EGFLAM: variants seen among roughly 807,000 people sequenced by gnomAD.
The protein encoded by EGFLAM is EGF like, fibronectin type III and laminin G domains.
A neutral mutation model predicts 113.1 loss-of-function variants in EGFLAM; 79 were observed. The observed-to-expected ratio is 0.70, with a 90% CI of 0.58 to 0.84. The LOEUF (loss-of-function observed/expected upper bound fraction) is 0.84. EGFLAM is among the 40% of genes least tolerant of loss of function. The pLI, the probability that EGFLAM is intolerant of heterozygous loss-of-function variation, is 0.00. For missense variants in EGFLAM, 1,265 were observed against 1,291.6 expected (o/e 0.98, Z 0.32); for synonymous variants, 504 against 487.6 (o/e 1.03, Z -0.44).
At chr5:38,371,744 C>T (rs1461664399) in intron 6 of EGFLAM, among the ~76,000 whole-genome samples, 1 of 152,160 alleles carries the variant, frequency 6.6e-6, no homozygotes, top group African/African-American at 2.4e-5. Context: ...TTAAACTTCC[C>T]AGACACATTC....
chr5:38,449,674 ATGTG>A (rs141510682), intron 18 of EGFLAM, among the ~76,000 whole-genome samples: 7 of 149,986 alleles, frequency 4.7e-5, no homozygotes, highest in Non-Finnish European at 7.4e-5. Flanking sequence ...GTGCGCATGC[ATGTG>A]TGTGTGTGTG....
chr5:38,270,804 A>C (rs1757746306), intron 1 of EGFLAM, among the ~76,000 whole-genome samples: 1 of 152,212 alleles, frequency 6.6e-6, no homozygotes, highest in Admixed American at 6.5e-5. Flanking sequence ...GTACCTAAAC[A>C]TTTGGTACAT....
chr5:38,291,046 A>G (rs2111792597), intron 1 of EGFLAM: 1 of 152,394 alleles, frequency 6.6e-6, no homozygotes, highest in East Asian at 1.9e-4. Flanking sequence ...AGATAGCGCC[A>G]CTGCACTTCA....
At chr5:38,316,616 C>T (rs192715826) in intron 1 of EGFLAM, among the ~76,000 whole-genome samples, 1 of 152,212 alleles carries the variant, frequency 6.6e-6, no homozygotes, top group Non-Finnish European at 1.5e-5. Context: ...GTGATTTTGG[C>T]AATTTTTGTT....
In EGFLAM at chr5:38,294,360, C is replaced by CAT. The variant is rs1314944680; in HGVS notation, c.97+35517_97+35518dup. ...TAAATTTAAACATAAGGAGTGGGGA[C>CAT]ATATATATACCTTGCTTACTATGAA... is the stretch of plus-strand genomic sequence containing the variant. On this transcript the variant is annotated intron_variant, in intron 1 of 21. Coordinates refer to ENST00000322350, the MANE Select transcript of EGFLAM (RefSeq NM_152403.4). Among the ~76,000 whole-genome samples, 6 of 152,248 alleles carry CAT rather than the reference C, an allele frequency of 3.9e-5. No individual in the cohort carries two copies. The East Asian group carries it at 9.7e-4, about 25-fold the overall frequency.
intron 1 of EGFLAM, among the ~76,000 whole-genome samples, chr5:38,292,908 T>C (rs765726109): frequency 2.0e-5 from 3 of 152,224 alleles, no homozygotes; most frequent in Non-Finnish European, 4.4e-5. Flanking sequence ...AAAAATTTCC[T>C]GCTCTGTCTA....
chr5:38,434,830 C>T (rs1336763033), intron 15 of EGFLAM, among the ~76,000 whole-genome samples: 3 of 152,212 alleles, frequency 2.0e-5, no homozygotes, highest in African/African-American at 7.2e-5. Context: ...GGAGGGGTAC[C>T]TGTGAACGGT....
chr5:38,409,456 T>A (rs538288306), intron 10 of EGFLAM, among the ~76,000 whole-genome samples: 1 of 151,548 alleles, frequency 6.6e-6, no homozygotes, highest in Admixed American at 6.6e-5. Context: ...TGTACCTGGC[T>A]CTGGAGGTGC....
intron 7 of EGFLAM, 123 bp from the exon 8 acceptor site, chr5:38,406,705 A>C (rs549050470): frequency 1.2e-6 from 1 of 865,248 alleles, no homozygotes; most frequent in African/African-American, 1.7e-5. Flanking sequence ...TGTCTTCCCC[A>C]TCTCCATCCT....
chr5:38,314,163 G>A (rs1321594443), intron 1 of EGFLAM, among the ~76,000 whole-genome samples: 6 of 152,190 alleles, frequency 3.9e-5, no homozygotes, highest in Non-Finnish European at 7.4e-5. Flanking sequence ...TTATGTTGGT[G>A]TGTAGTATGA....
chr5:38,420,432 A>G (rs1413752187), intron 12 of EGFLAM, among the ~76,000 whole-genome samples: 7 of 152,228 alleles, frequency 4.6e-5, no homozygotes, highest in Admixed American at 3.9e-4. Flanking sequence ...CCATTCCATC[A>G]GGAGTCACAT....
intron 11 of EGFLAM, among the ~76,000 whole-genome samples, chr5:38,417,354 A>AAAC (rs1262399841): frequency 1.6e-4 from 23 of 147,652 alleles, no homozygotes; most frequent in South Asian, 8.5e-4. Flanking sequence ...TCTCAAAAAA[A>AAAC]AAAAAAAAAA....
chr5:38,340,584 G>A (rs1739308711), intron 3 of EGFLAM, among the ~76,000 whole-genome samples: 1 of 152,196 alleles, frequency 6.6e-6, no homozygotes, highest in East Asian at 1.9e-4. Flanking sequence ...AGGGAGCAAA[G>A]TAAGATCAGA....
intron 3 of EGFLAM, chr5:38,346,412 C>T (rs1739473365): frequency 6.6e-6 from 1 of 152,180 alleles, no homozygotes; most frequent in Non-Finnish European, 1.5e-5. Context: ...TATTTTGCCA[C>T]TGACTAAATC....
chr5:38,352,804 A>C (rs1739666012), intron 5 of EGFLAM, among the ~76,000 whole-genome samples: 1 of 152,160 alleles, frequency 6.6e-6, no homozygotes, highest in African/African-American at 2.4e-5. Context: ...TGATCTCCAC[A>C]CATCTTTGTT....
At chr5:38,275,483 A>G (rs1385578983) in intron 1 of EGFLAM, among the ~76,000 whole-genome samples, 3 of 152,258 alleles carry the variant, frequency 2.0e-5, no homozygotes, top group African/African-American at 7.2e-5. Flanking sequence ...AAAGGTCGGT[A>G]TATAATGATA....
At chr5:38,351,259 C>T (rs192070326) in intron 4 of EGFLAM, among the ~76,000 whole-genome samples, 1 of 152,180 alleles carries the variant, frequency 6.6e-6, no homozygotes, top group East Asian at 1.9e-4. Context: ...TAGTCACATG[C>T]CATCACACCT....
intron 6 of EGFLAM, among the ~76,000 whole-genome samples, chr5:38,371,623 TAC>T (rs141810452): frequency 0.049 from 7,296 of 148,684 alleles, 196 homozygotes; most frequent in East Asian, 0.078. Context: ...CACACACACA[TAC>T]ACACACACAC....
intron 6 of EGFLAM, among the ~76,000 whole-genome samples, chr5:38,392,636 G>GT: frequency 6.8e-6 from 1 of 146,844 alleles, no homozygotes; most frequent in African/African-American, 2.7e-5. Context: ...TTTTGGGGGG[G>GT]CGGTTCTCAC....
Sources: gnomAD v4.1 joint callset for allele counts (sites outside exome capture counted in the v4.1 genomes callset) on GRCh38, gnomAD v4.1.1 for gene constraint, MANE v1.5 for transcripts, NCBI Gene and HGNC (gene_info 2026-07-23, HGNC 2026-07-21) for gene names.